Variants in ZBTB20 observed in about 807,000 individuals in gnomAD.
ZBTB20 encodes zinc finger and BTB domain-containing protein 20.
A neutral mutation model predicts 56.9 loss-of-function variants in ZBTB20; 9 were observed. The ratio of observed to expected loss-of-function variants is 0.16; its 90% CI spans 0.10 to 0.28. ZBTB20 has a LOEUF of 0.28. Among genes scored for constraint, ZBTB20 ranks in the 10% least tolerant of loss-of-function variants. ZBTB20 has a pLI of 1.00. For synonymous variants in ZBTB20, 417 were observed against 420.7 expected, an observed-to-expected ratio of 0.99 and a Z score of 0.11; for missense variants, 655 against 1,003.0, an observed-to-expected ratio of 0.65 and a Z score of 4.69.
intron 6 of ZBTB20, among the ~76,000 whole-genome samples, chr3:114,572,238 T>A (rs1386704101): frequency 6.6e-6 from 1 of 152,224 alleles, no homozygotes; most frequent in South Asian, 2.1e-4. Context: ...GAAAGATGTT[T>A]ACTTCTAAAG....
chr3:114,321,014 A>G lies in ZBTB20; in HGVS notation c.*17991T>C, dbSNP rs1038882285. 1 of 152,226 alleles carries G rather than the reference A, an allele frequency of 6.6e-6. No homozygotes were observed. Among genetic ancestry groups the G allele is most frequent in the Non-Finnish European group, 1.5e-5 (1 of 68,040 alleles). The allele number at this position is 152,226 out of a possible 1,614,324, so 9.4% of individuals were successfully genotyped here. Reference sequence around the variant, plus strand: ...GAAATGAAAACAAAATAAAGTGAACAGGTGGTTGAGCCAGCCAAAGCCTCC... The same window carrying G: ...GAAATGAAAACAAAATAAAGTGAACGGGTGGTTGAGCCAGCCAAAGCCTCC... On this transcript the variant is annotated 3_prime_UTR_variant, in exon 12 of 12. Coordinates refer to ENST00000675478, the MANE Select transcript of ZBTB20 (RefSeq NM_001348800.3).
chr3:114,988,875 C>G (rs574833459), intron 2 of ZBTB20, among the ~76,000 whole-genome samples: 5 of 152,004 alleles, frequency 3.3e-5, no homozygotes, highest in South Asian at 2.1e-4. Context: ...TTTTTCATGT[C>G]TCTGTTGGCT....
At chr3:115,131,501 G>A (rs969669597) in intron 1 of ZBTB20, among the ~76,000 whole-genome samples, 1 of 152,054 alleles carries the variant, frequency 6.6e-6, no homozygotes, top group Non-Finnish European at 1.5e-5. Flanking sequence ...TTATTTACTA[G>A]CATTACCTTG....
intron 7 of ZBTB20, among the ~76,000 whole-genome samples, chr3:114,421,316 G>A (rs996676996): frequency 1.3e-5 from 2 of 152,056 alleles, no homozygotes; most frequent in Non-Finnish European, 2.9e-5. Context: ...TTCACTATGC[G>A]TCCCCATTTC....
intron 5 of ZBTB20, among the ~76,000 whole-genome samples, chr3:114,726,695 G>A (rs2065309740): frequency 6.6e-6 from 1 of 151,926 alleles, no homozygotes; most frequent in Admixed American, 6.6e-5. Context: ...GGCGGATCAC[G>A]AGGTCAGGAA....
intron 3 of ZBTB20, among the ~76,000 whole-genome samples, chr3:114,915,284 G>C (rs948795283): frequency 2.6e-5 from 4 of 151,704 alleles, no homozygotes; most frequent in African/African-American, 9.7e-5. Context: ...GGAATTCATG[G>C]TTCAATCCTG....
intron 2 of ZBTB20, among the ~76,000 whole-genome samples, chr3:115,070,128 C>T (rs2082354948): frequency 6.6e-6 from 1 of 152,044 alleles, no homozygotes; most frequent in African/African-American, 2.4e-5. Context: ...AACTCAATGA[C>T]AGCTTAAAGG....
At chr3:115,112,768 G>C (rs546311505) in intron 1 of ZBTB20, among the ~76,000 whole-genome samples, 1 of 152,280 alleles carries the variant, frequency 6.6e-6, no homozygotes, top group Admixed American at 6.5e-5. Context: ...AAACATGGGA[G>C]TGCGGGTGTT....
At chr3:114,455,735 T>C (rs770906826) in intron 7 of ZBTB20, among the ~76,000 whole-genome samples, 1 of 152,122 alleles carries the variant, frequency 6.6e-6, no homozygotes, top group South Asian at 2.1e-4. Context: ...AAAGTTCTGA[T>C]GCAATATTAG....
chr3:114,427,066 T>C (rs905253389), intron 7 of ZBTB20, among the ~76,000 whole-genome samples: 9 of 152,156 alleles, frequency 5.9e-5, no homozygotes, highest in African/African-American at 2.2e-4. Context: ...ACTTGTTGAA[T>C]TGAATTGAGG....
At chr3:114,530,442 C>T (rs1393528201) in intron 6 of ZBTB20, among the ~76,000 whole-genome samples, 3 of 152,158 alleles carry the variant, frequency 2.0e-5, no homozygotes, top group Admixed American at 6.5e-5. Context: ...GTAGTAAGCT[C>T]TATCATCTAG....
At chr3:114,979,115 T>A (rs896190201) in intron 2 of ZBTB20, among the ~76,000 whole-genome samples, 3 of 152,002 alleles carry the variant, frequency 2.0e-5, no homozygotes, top group African/African-American at 7.2e-5. Context: ...ATCTATTAGG[T>A]TCCTAGCAAC....
chr3:114,870,057 T>C (rs1157965551), intron 4 of ZBTB20, among the ~76,000 whole-genome samples: 1 of 152,116 alleles, frequency 6.6e-6, no homozygotes, highest in Non-Finnish European at 1.5e-5. Context: ...TCATTGGCAA[T>C]AGGTCAGTCT....
At chr3:115,100,412 A>T (rs2083547474) in intron 1 of ZBTB20, 1 of 151,670 alleles carries the variant, frequency 6.6e-6, no homozygotes, top group Non-Finnish European at 1.5e-5. Flanking sequence ...GCAAGCGAGT[A>T]AGAGAGAGAG....
At chr3:114,534,037 C>T (rs1437084020) in intron 6 of ZBTB20, among the ~76,000 whole-genome samples, 1 of 152,122 alleles carries the variant, frequency 6.6e-6, no homozygotes, top group Non-Finnish European at 1.5e-5. Flanking sequence ...CAAAAACACA[C>T]CAAACTGTAA....
chr3:114,531,898 C>T (rs2047885603), intron 6 of ZBTB20, among the ~76,000 whole-genome samples: 2 of 152,122 alleles, frequency 1.3e-5, no homozygotes, highest in South Asian at 4.1e-4. Context: ...TGGGGAATTC[C>T]CTCCGTTAGC....
chr3:114,725,168 T>C (rs953245227), intron 5 of ZBTB20, among the ~76,000 whole-genome samples: 2 of 152,218 alleles, frequency 1.3e-5, no homozygotes, highest in Non-Finnish European at 2.9e-5. Flanking sequence ...ATTCCTTAAG[T>C]CAGAATTCAG....
At chr3:114,985,345 A>C (rs1456453157) in intron 2 of ZBTB20, among the ~76,000 whole-genome samples, 2 of 152,096 alleles carry the variant, frequency 1.3e-5, no homozygotes, top group Non-Finnish European at 2.9e-5. Context: ...CCTAGGATGA[A>C]AAATGCTCTG....
At chr3:115,097,147 T>A (rs1164703559) in intron 1 of ZBTB20, among the ~76,000 whole-genome samples, 2 of 152,190 alleles carry the variant, frequency 1.3e-5, no homozygotes, top group African/African-American at 2.4e-5. Context: ...AGCATTTGAA[T>A]TATATGGTCT....
Sources: gnomAD v4.1 joint callset for allele counts (sites outside exome capture counted in the v4.1 genomes callset) on GRCh38, gnomAD v4.1.1 for gene constraint, MANE v1.5 for transcripts, NCBI Gene and HGNC (gene_info 2026-07-23, HGNC 2026-07-21) for gene names.